The following KCTD8 variants were observed in gnomAD, a reference collection of about 807,000 sequenced individuals.
KCTD8 encodes the protein BTB/POZ domain-containing protein KCTD8.
KCTD8 carries 27 observed loss-of-function variants against 31.5 expected under a neutral mutation model. The ratio of observed to expected loss-of-function variants is 0.86; its 90% CI spans 0.63 to 1.18. The LOEUF (loss-of-function observed/expected upper bound fraction) is 1.18, where lower values mean the gene tolerates loss of function less well. Ranked by LOEUF, KCTD8 falls within the 50% of genes most tolerant of loss-of-function variation. The probability of loss-of-function intolerance (pLI) is 0.00; values close to 1 mark genes in which losing one functional copy is unlikely to be tolerated. For synonymous variants in KCTD8, 290 were observed against 280.0 expected (o/e 1.04, Z -0.36); for missense variants, 658 against 647.7 (o/e 1.02, Z -0.17).
chr4:44,417,100 G>T (rs943405413), intron 1 of KCTD8, among the ~76,000 whole-genome samples: 1 of 152,178 alleles, frequency 6.6e-6, no homozygotes, highest in Non-Finnish European at 1.5e-5. Context: ...GGAGCTAGAA[G>T]TTGAATCCCT....
At chr4:44,182,789 T>G (rs892228951) in intron 1 of KCTD8, among the ~76,000 whole-genome samples, 2 of 151,752 alleles carry the variant, frequency 1.3e-5, no homozygotes, top group African/African-American at 4.9e-5. Flanking sequence ...ATCAATAAAA[T>G]AAAAAATAAA....
At chr4:44,445,988 G>T (rs1236976326) in intron 1 of KCTD8, among the ~76,000 whole-genome samples, 1 of 152,126 alleles carries the variant, frequency 6.6e-6, no homozygotes, top group Non-Finnish European at 1.5e-5. Flanking sequence ...TCTTTTTATT[G>T]TGTAACAAGT....
At chr4:44,185,571 T>C (rs1713560395) in intron 1 of KCTD8, among the ~76,000 whole-genome samples, 1 of 152,192 alleles carries the variant, frequency 6.6e-6, no homozygotes, top group Non-Finnish European at 1.5e-5. Flanking sequence ...ATTTGGTGAC[T>C]CCAATATACT....
chr4:44,335,301 T>C lies in KCTD8; in HGVS notation c.961+112262A>G, dbSNP rs370828310. On this transcript the variant is annotated intron_variant, in intron 1 of 1. Transcript: ENST00000360029. ...AGCCACGGGAGATATTCAGTTGTTA[T>C]TAATATTTTAATCTAAAAAATAAAT... Among the ~76,000 whole-genome samples, 23 of 152,234 alleles carry C rather than the reference T, an allele frequency of 1.5e-4. No individual in the cohort carries two copies. In the East Asian group the frequency reaches 4.1e-3, roughly 27 times the overall value.
At chr4:44,390,648 G>C (rs1720348411) in intron 1 of KCTD8, among the ~76,000 whole-genome samples, 1 of 151,744 alleles carries the variant, frequency 6.6e-6, no homozygotes, top group Non-Finnish European at 1.5e-5. Flanking sequence ...GTGAATTTTA[G>C]GATTGTTTTT....
At chr4:44,277,340 T>C (rs763203749) in intron 1 of KCTD8, among the ~76,000 whole-genome samples, 2 of 151,894 alleles carry the variant, frequency 1.3e-5, no homozygotes, top group Non-Finnish European at 2.9e-5. Flanking sequence ...GGCAAGGAAA[T>C]CTTTTAATTT....
chr4:44,444,797 G>C (rs1047436289), intron 1 of KCTD8, among the ~76,000 whole-genome samples: 7 of 145,454 alleles, frequency 4.8e-5, no homozygotes, highest in Non-Finnish European at 9.0e-5. Flanking sequence ...GGGTGACGGG[G>C]GTTGGGGGGG....
intron 1 of KCTD8, among the ~76,000 whole-genome samples, chr4:44,354,094 G>GT (rs571522209): frequency 5.9e-5 from 9 of 151,764 alleles, no homozygotes; most frequent in Middle Eastern, 3.4e-3. Context: ...CTAATGCTTA[G>GT]TTTTTTTTGC....
chr4:44,244,231 CT>C (rs1007507625), intron 1 of KCTD8, among the ~76,000 whole-genome samples: 1 of 152,106 alleles, frequency 6.6e-6, no homozygotes, highest in Non-Finnish European at 1.5e-5. Flanking sequence ...GGTTTTCTTC[CT>C]TTTTTTCTTT....
chr4:44,270,966 T>C (rs1456676852), intron 1 of KCTD8, among the ~76,000 whole-genome samples: 1 of 152,058 alleles, frequency 6.6e-6, no homozygotes, highest in Admixed American at 6.6e-5. Context: ...TTTAAGAGTA[T>C]GAAAAGAGGT....
chr4:44,190,839 A>G (rs1416691770), intron 1 of KCTD8, among the ~76,000 whole-genome samples: 1 of 152,242 alleles, frequency 6.6e-6, no homozygotes, highest in Non-Finnish European at 1.5e-5. Flanking sequence ...CTGTTGGACA[A>G]GTATTTTAGA....
At chr4:44,374,200 C>T (rs141670044) in intron 1 of KCTD8, among the ~76,000 whole-genome samples, 105 of 152,252 alleles carry the variant, frequency 6.9e-4, no homozygotes, top group African/African-American at 2.2e-3. Context: ...TGAAGATTAA[C>T]GCAAAAATGC....
chr4:44,245,740 C>A (rs1438827748), intron 1 of KCTD8, among the ~76,000 whole-genome samples: 2 of 151,688 alleles, frequency 1.3e-5, no homozygotes, highest in Non-Finnish European at 2.9e-5. Context: ...CATTTTTTTC[C>A]TATCAAGCAA....
At position 44,262,151 on chromosome 4, in the gene KCTD8, A is replaced by C. The variant is rs546713250; in HGVS notation, c.962-86901T>G. Among the ~76,000 whole-genome samples the C allele has an allele frequency of 4.7e-4, 72 of 152,208 alleles. 1 individual carries two copies. In the Middle Eastern group the frequency reaches 0.014, roughly 29 times the overall value. ...GTTTCTCAAGATTAACATATGAACA[A>C]TTATCCACTGGGTTTCACAATAAGA... On this transcript the variant is annotated intron_variant, in intron 1 of 1. Coordinates refer to ENST00000360029, the MANE Select transcript of KCTD8 (RefSeq NM_198353.3).
chr4:44,180,447 T>C (rs1166568587), intron 1 of KCTD8, among the ~76,000 whole-genome samples: 1 of 152,182 alleles, frequency 6.6e-6, no homozygotes, highest in Non-Finnish European at 1.5e-5. Context: ...TTAAATAAAC[T>C]AGGATATCCA....
intron 1 of KCTD8, among the ~76,000 whole-genome samples, chr4:44,330,916 C>T (rs1718576265): frequency 6.6e-6 from 1 of 151,742 alleles, no homozygotes; most frequent in South Asian, 2.1e-4. Flanking sequence ...AATGCAGTTT[C>T]CCAGAGAAGA....
At chr4:44,189,225 T>A (rs1713686233) in intron 1 of KCTD8, among the ~76,000 whole-genome samples, 1 of 152,186 alleles carries the variant, frequency 6.6e-6, no homozygotes, top group South Asian at 2.1e-4. Flanking sequence ...TTTGTGGGTA[T>A]CCCTAATGTT....
intron 1 of KCTD8, among the ~76,000 whole-genome samples, chr4:44,431,137 C>G (rs1187416939): frequency 1.3e-5 from 2 of 151,524 alleles, no homozygotes; most frequent in African/African-American, 4.8e-5. Flanking sequence ...AAGTTAATCC[C>G]CCTTAATTTT....
intron 1 of KCTD8, among the ~76,000 whole-genome samples, chr4:44,358,312 T>C (rs775639094): frequency 2.0e-5 from 3 of 152,168 alleles, no homozygotes; most frequent in Non-Finnish European, 2.9e-5. Context: ...GCCATTTGGG[T>C]TGGTTCCAAG....
Sources: gnomAD v4.1 joint callset for allele counts (sites outside exome capture counted in the v4.1 genomes callset) on GRCh38, gnomAD v4.1.1 for gene constraint, MANE v1.5 for transcripts, NCBI Gene and HGNC (gene_info 2026-07-23, HGNC 2026-07-21) for gene names.